The following TMEM163 variants were observed in gnomAD, a reference collection of about 807,000 sequenced individuals.
TMEM163 encodes transmembrane protein 163.
TMEM163 carries 17 observed loss-of-function variants against 29.3 expected under a neutral mutation model. The observed-to-expected ratio is 0.58, with a 90% CI of 0.40 to 0.87. The LOEUF is 0.87. Among genes scored for constraint, TMEM163 ranks in the 40% least tolerant of loss-of-function variants. The pLI, the probability that TMEM163 is intolerant of heterozygous loss-of-function variation, is 0.00. For missense variants in TMEM163, 303 were observed against 381.5 expected, an observed-to-expected ratio of 0.79 and a Z score of 1.71; for synonymous variants, 157 against 160.6, an observed-to-expected ratio of 0.98 and a Z score of 0.17.
Position 134,530,970 on chromosome 2 carries a change from A to G in TMEM163, c.458+19600T>C, listed in dbSNP as rs187495301. Among the ~76,000 whole-genome samples the G allele has an allele frequency of 1.9e-3, 293 of 152,304 alleles. 5 individuals are homozygous for G. Among genetic ancestry groups the G allele is most frequent in the Non-Finnish European group, 3.2e-3 (220 of 68,020 alleles). On this transcript the variant is annotated intron_variant, in intron 4 of 7. Transcript: ENST00000281924. ...GAGAAACTGACATATCCTTTTCTAC[A>G]TTTCCTCAACTGTGGTTTGATTCTT...
intron 4 of TMEM163, among the ~76,000 whole-genome samples, chr2:134,533,684 T>A (rs1289309488): frequency 2.0e-5 from 3 of 152,248 alleles, no homozygotes; most frequent in Admixed American, 1.3e-4. Flanking sequence ...GCAGATCACA[T>A]CACCCCAAGG....
chr2:134,538,420 C>T (rs1447985744), intron 4 of TMEM163, among the ~76,000 whole-genome samples: 1 of 152,118 alleles, frequency 6.6e-6, no homozygotes, highest in Non-Finnish European at 1.5e-5. Context: ...TACAGCAGCC[C>T]AAACAATGAC....
At chr2:134,703,154 G>A (rs1684738430) in intron 2 of TMEM163, among the ~76,000 whole-genome samples, 1 of 152,106 alleles carries the variant, frequency 6.6e-6, no homozygotes, top group Non-Finnish European at 1.5e-5. Context: ...AGCCAGAGAA[G>A]AGAAAAACAT....
At chr2:134,662,832 A>T (rs1683785967) in intron 2 of TMEM163, among the ~76,000 whole-genome samples, 1 of 152,164 alleles carries the variant, frequency 6.6e-6, no homozygotes, top group South Asian at 2.1e-4. Context: ...GTTTCTCTGC[A>T]CCATGCCTGG....
At chr2:134,533,941 C>A (rs191805128) in intron 4 of TMEM163, among the ~76,000 whole-genome samples, 25 of 152,312 alleles carry the variant, frequency 1.6e-4, no homozygotes, top group African/African-American at 5.8e-4. Flanking sequence ...GTTGAAGTGT[C>A]ACCTACTCAG....
intron 2 of TMEM163, among the ~76,000 whole-genome samples, chr2:134,627,239 C>T (rs1403020371): frequency 6.6e-6 from 1 of 152,130 alleles, no homozygotes; most frequent in Non-Finnish European, 1.5e-5. Context: ...AAAATATCTG[C>T]CTTTAAGAGT....
At chr2:134,674,542 T>C (rs1379902366) in intron 2 of TMEM163, among the ~76,000 whole-genome samples, 7 of 151,102 alleles carry the variant, frequency 4.6e-5, no homozygotes, top group African/African-American at 1.5e-4. Context: ...TGTATTTTAG[T>C]GGAGAAGGGG....
At chr2:134,606,705 C>G (rs566250585) in intron 2 of TMEM163, among the ~76,000 whole-genome samples, 73 of 152,226 alleles carry the variant, frequency 4.8e-4, no homozygotes, top group African/African-American at 1.8e-3. Flanking sequence ...CAGGGAAAAT[C>G]AAGAGGGTCA....
At chr2:134,561,442 T>C (rs1051232693) in intron 2 of TMEM163, among the ~76,000 whole-genome samples, 3 of 149,214 alleles carry the variant, frequency 2.0e-5, no homozygotes, top group Non-Finnish European at 3.0e-5. Flanking sequence ...TCTACTGACC[T>C]CGTGATCCGA....
chr2:134,578,768 A>ATG (rs1681620501), intron 2 of TMEM163, among the ~76,000 whole-genome samples: 1 of 152,018 alleles, frequency 6.6e-6, no homozygotes, highest in Non-Finnish European at 1.5e-5. Context: ...GTGTGTGTGC[A>ATG]TGTGTGTGTG....
chr2:134,526,050 C>G (rs182632887), intron 4 of TMEM163, among the ~76,000 whole-genome samples: 23 of 152,176 alleles, frequency 1.5e-4, no homozygotes, highest in Non-Finnish European at 3.1e-4. Context: ...GGCCAGGCCT[C>G]GGGTGTGCCC....
intron 4 of TMEM163, among the ~76,000 whole-genome samples, chr2:134,534,268 C>CT (rs200964865): frequency 1.3e-3 from 128 of 100,838 alleles, no homozygotes; most frequent in East Asian, 6.0e-3. Flanking sequence ...TAAAACTGGA[C>CT]TTTTTTAAAA....
At chr2:134,671,368 C>T (rs1395995423) in intron 2 of TMEM163, among the ~76,000 whole-genome samples, 2 of 152,120 alleles carry the variant, frequency 1.3e-5, no homozygotes, top group Non-Finnish European at 2.9e-5. Flanking sequence ...GGATCACTTG[C>T]TACTTCTCCC....
chr2:134,557,255 A>G (rs2104774755), intron 2 of TMEM163, among the ~76,000 whole-genome samples: 1 of 152,386 alleles, frequency 6.6e-6, no homozygotes, highest in Non-Finnish European at 1.5e-5. Flanking sequence ...TGCATTGAAA[A>G]CAACCAGAAA....
intron 2 of TMEM163, among the ~76,000 whole-genome samples, chr2:134,658,319 A>G (rs1265069073): frequency 6.6e-6 from 1 of 152,236 alleles, no homozygotes; most frequent in Non-Finnish European, 1.5e-5. Flanking sequence ...TCAGGATTCT[A>G]CTTGTTTTAG....
chr2:134,490,976 G>GA (rs202125790), intron 5 of TMEM163, among the ~76,000 whole-genome samples: 18 of 151,840 alleles, frequency 1.2e-4, no homozygotes, highest in African/African-American at 3.9e-4. Flanking sequence ...GAAACTCAAT[G>GA]AAAAAAAATA....
intron 2 of TMEM163, among the ~76,000 whole-genome samples, chr2:134,708,717 G>A (rs531109582): frequency 2.0e-5 from 3 of 152,066 alleles, no homozygotes; most frequent in African/African-American, 7.2e-5. Flanking sequence ...CTCCCAAGTA[G>A]CAGAGACTAC....
chr2:134,676,211 C>T (rs761007226), intron 2 of TMEM163, among the ~76,000 whole-genome samples: 8 of 152,170 alleles, frequency 5.3e-5, no homozygotes, highest in Admixed American at 2.0e-4. Flanking sequence ...ACCAACTTGA[C>T]GTCAATTAGC....
At chr2:134,587,524 C>A (rs2104799620) in intron 2 of TMEM163, among the ~76,000 whole-genome samples, 1 of 152,306 alleles carries the variant, frequency 6.6e-6, no homozygotes, top group South Asian at 2.1e-4. Flanking sequence ...AGCCTTTGTG[C>A]CTGTCTTCCT....
Sources: allele counts gnomAD v4.1 joint callset (sites outside exome capture counted in the v4.1 genomes callset), GRCh38; gene constraint gnomAD v4.1.1; transcripts MANE v1.5; gene names NCBI Gene and HGNC (gene_info 2026-07-23, HGNC 2026-07-21).